The following SULT1A1 variants were observed in gnomAD, a reference collection of about 807,000 sequenced individuals.
SULT1A1 encodes the protein sulfotransferase family 1A member 1.
SULT1A1 carries 35 observed loss-of-function variants against 36.8 expected under a neutral mutation model. That is an observed-to-expected ratio of 0.95 (90% CI 0.73 to 1.26). The LOEUF (loss-of-function observed/expected upper bound fraction) is 1.26, where lower values mean the gene tolerates loss of function less well. Ranked by LOEUF, SULT1A1 falls within the 50% of genes most tolerant of loss-of-function variation. The pLI, the probability that SULT1A1 is intolerant of heterozygous loss-of-function variation, is 0.00. For missense variants in SULT1A1, 309 were observed against 383.0 expected (o/e 0.81, Z 1.61); for synonymous variants, 119 against 146.0 (o/e 0.82, Z 1.33).
upstream of SULT1A1, chr16:28,611,428 T>C (rs2047449325): frequency 6.6e-6 from 1 of 152,198 alleles, no homozygotes; most frequent in African/African-American, 2.4e-5. Context: ...CAGTAACATA[T>C]GAAACCGTAC....
In SULT1A1 at chr16:28,605,848, G is replaced by A. The variant is rs771773503; in HGVS notation, c.861C>T (p.Cys287=). The change falls in exon 8 of 8, where the codon TGC becomes TGT. Residue 287 remains cysteine (C), a synonymous_variant. Coordinates refer to ENST00000314752, the MANE Select transcript of SULT1A1 (RefSeq NM_001055.4). The stretch of plus-strand genomic sequence containing the variant: ...ACAGCTCAGAGCGGAAGCTGAGGCT[G>A]CAGCCTGCCATCTTCTCCGCATAGT... The part of the protein sequence containing the change: ...DADYAEKMAG[C]SLSFRSEL The A allele has an allele frequency of 6.2e-7, 1 of 1,608,788 alleles. No homozygotes were observed. Among genetic ancestry groups the A allele is most frequent in the East Asian group, 2.2e-5 (1 of 44,844 alleles).
chr16:28,610,260 T>C, upstream of SULT1A1: 1 of 1,107,788 alleles, frequency 9.0e-7, no homozygotes, highest in African/African-American at 1.7e-5. Context: ...GGTTTTTTTT[T>C]TCTGTTTTTT....
At chr16:28,610,146 G>C (rs541203565), upstream of SULT1A1, 657 of 1,285,744 alleles carry the variant, frequency 5.1e-4, 21 homozygotes, top group Admixed American at 8.1e-4. Flanking sequence ...TAGTGTGCCA[G>C]CTGGAGACAA....
intron 4 of SULT1A1, chr16:28,607,355 G>A (rs1172419184): frequency 3.3e-5 from 17 of 515,462 alleles, no homozygotes; most frequent in African/African-American, 9.2e-5. Context: ...TGATCCCACC[G>A]CCACCAAATT....
At chr16:28,610,587 G>C (rs55974921), upstream of SULT1A1, 3 of 214,464 alleles carry the variant, frequency 1.4e-5, no homozygotes, top group South Asian at 1.2e-4. Context: ...GGGTGGAGCA[G>C]AGCATGGATG....
At chr16:28,610,199 G>C (rs1288697427), upstream of SULT1A1, 24 of 1,280,306 alleles carry the variant, frequency 1.9e-5, no homozygotes, top group African/African-American at 2.6e-4. Context: ...TTGCTGTGTA[G>C]AAAACAGAAG....
At chr16:28,622,072 C>T (rs2047667263) in intron 1 of SULT1A1, among the ~76,000 whole-genome samples, 1 of 152,206 alleles carries the variant, frequency 6.6e-6, no homozygotes, top group Non-Finnish European at 1.5e-5. Flanking sequence ...GAAGCTATAG[C>T]TTCATGACTA....
chr16:28,623,264 G>C (rs905433414), exon 1 of SULT1A1: 41 of 1,544,212 alleles, frequency 2.7e-5, no homozygotes, highest in Non-Finnish European at 3.3e-5. Context: ...TGAAGTTGGC[G>C]TGGAAGGTCA....
At chr16:28,618,527 G>T (rs535017446) in intron 2 of SULT1A1, among the ~76,000 whole-genome samples, 1 of 151,490 alleles carries the variant, frequency 6.6e-6, no homozygotes, top group East Asian at 1.9e-4. Flanking sequence ...TTTATTTTTA[G>T]TGGAGACAGG....
chr16:28,621,506 A>AAAAGAAG (rs1555485637), intron 1 of SULT1A1, among the ~76,000 whole-genome samples: 3 of 42,460 alleles, frequency 7.1e-5, no homozygotes, highest in African/African-American at 1.6e-4. Flanking sequence ...AAAAAAAAAA[A>AAAAGAAG]AAGAAGAAGA....
chr16:28,617,478 A>T (rs147090222), intron 2 of SULT1A1, among the ~76,000 whole-genome samples: 8 of 151,918 alleles, frequency 5.3e-5, no homozygotes, highest in African/African-American at 1.4e-4. Context: ...TCTGTTTTAT[A>T]TGGTTTTTTG....
At chr16:28,609,045 C>T in intron 1 of SULT1A1, 186 bp from the exon 2 acceptor site, 3 of 1,482,680 alleles carry the variant, frequency 2.0e-6, no homozygotes, top group Non-Finnish European at 2.7e-6. Flanking sequence ...GGTGGTTCCC[C>T]AGCCTGGCCT....
chr16:28,606,276 T>C lies in SULT1A1; in HGVS notation c.595-40A>G, dbSNP rs554866256. ...GCCCCTCAGTGGAGGCTCGGATTAC[T>C]GATTCAGGAAAAGTAAAAGGGGTCC... is the stretch of plus-strand genomic sequence containing the variant. On this transcript the variant is annotated intron_variant, in intron 6 of 7. Coordinates refer to ENST00000314752, the MANE Select transcript of SULT1A1 (RefSeq NM_001055.4). 6 of 1,611,480 alleles carry C rather than the reference T, an allele frequency of 3.7e-6. No homozygotes were observed. The East Asian group carries it at 1.3e-4, about 36-fold the overall frequency.
In SULT1A1 at chr16:28,608,550, C is replaced by T. The variant is rs1365030930; in HGVS notation, c.202G>A (p.Glu68Lys). The change falls in exon 3 of 8, where the codon GAG becomes AAG. Residue 68 changes from glutamate (E) to lysine (K), a missense_variant. Glu to Lys is a moderately conservative substitution (Grantham distance 56). Around this residue, in one of 3 missense-constraint regions of SULT1A1, gnomAD observed 219 missense variants for 215.3 expected, o/e 1.02. Coordinates refer to ENST00000314752, the MANE Select transcript of SULT1A1 (RefSeq NM_001055.4). ...LDMIYQGGDL[E>K]KCHRAPIFMR... Reference sequence around the variant, plus strand: ...AAGATGGGAGCTCGGTGACACTTCTCCAGGTCACCACCCTGGTAGATCATG... The same window carrying T: ...AAGATGGGAGCTCGGTGACACTTCTTCAGGTCACCACCCTGGTAGATCATG... The T allele has an allele frequency of 6.8e-6, 11 of 1,612,386 alleles. No homozygotes were observed. Among genetic ancestry groups the T allele is most frequent in the Admixed American group, 1.7e-5 (1 of 59,906 alleles).
chr16:28,609,134 G>A lies in SULT1A1; in HGVS notation c.-4-275C>T, dbSNP rs548877632. The A allele has an allele frequency of 7.2e-5, 102 of 1,412,528 alleles. 1 individual carries two copies. The African/African-American group carries it at 7.5e-4, about 10-fold the overall frequency. The allele number at this position is 1,412,528 out of a possible 1,614,324, so 87.5% of individuals were successfully genotyped here. A position where few individuals can be genotyped will look rare whatever the true frequency, so the allele number is the denominator to read the frequency against. ...GCAGACCAGTGAAAGCACCCTCGTC[G>A]GGCAAGGCCCAGATGTCAGGGTGTG... On this transcript the variant is annotated intron_variant, in intron 1 of 7. Coordinates refer to ENST00000314752, the MANE Select transcript of SULT1A1 (RefSeq NM_001055.4).
At chr16:28,616,765 C>T in intron 2 of SULT1A1, among the ~76,000 whole-genome samples, 1 of 152,146 alleles carries the variant, frequency 6.6e-6, no homozygotes. Context: ...AATAACCCCC[C>T]ACTCTGGTTT....
At chr16:28,609,427 G>A in intron 1 of SULT1A1, 1 of 1,270,382 alleles carries the variant, frequency 7.9e-7, no homozygotes, top group East Asian at 5.5e-5. Flanking sequence ...CTGCTACTAG[G>A]GGCCAGAGCT....
chr16:28,621,665 C>G (rs368466772), intron 1 of SULT1A1, among the ~76,000 whole-genome samples: 1 of 151,916 alleles, frequency 6.6e-6, no homozygotes, highest in South Asian at 2.1e-4. Context: ...AATCACACGC[C>G]GGGACCAGGC....
chr16:28,605,632 G>C lies in SULT1A1; in HGVS notation c.*189C>G. 2.2e-6 allele frequency: 2 copies of C among 914,182 alleles called. No homozygotes were observed. Among genetic ancestry groups the C allele is most frequent in the Non-Finnish European group, 3.3e-6 (2 of 600,954 alleles). The allele number at this position is 914,182 out of a possible 1,614,324, so 56.6% of individuals were successfully genotyped here. A position where few individuals can be genotyped will look rare whatever the true frequency, so the allele number is the denominator to read the frequency against. On this transcript the variant is annotated 3_prime_UTR_variant, in exon 8 of 8. Transcript: ENST00000314752. ...TTTATTTTATTTTATTTTTTTAACA[G>C]AATCTCACTATGTTGCCCAGGTTGG...
Sources: allele counts gnomAD v4.1 joint callset (sites outside exome capture counted in the v4.1 genomes callset), GRCh38; gene constraint gnomAD v4.1.1; regional missense constraint gnomAD v4.1.1; transcripts MANE v1.5; gene names NCBI Gene and HGNC (gene_info 2026-07-23, HGNC 2026-07-21).